The following IL27RA variants were observed in gnomAD, a reference collection of about 807,000 sequenced individuals.
IL27RA encodes interleukin 27 receptor subunit alpha, also known as interleukin-27 receptor subunit alpha.
In IL27RA, 61 loss-of-function variants were observed where a neutral mutation model predicts 80.8. The ratio of observed to expected loss-of-function variants is 0.76; its 90% CI spans 0.61 to 0.93. IL27RA has a LOEUF of 0.93. IL27RA is among the 40% of genes least tolerant of loss of function. The pLI is 0.00. For missense variants in IL27RA, 735 were observed against 808.1 expected (o/e 0.91, Z 1.10); for synonymous variants, 316 against 332.5 (o/e 0.95, Z 0.54).
At chr19:14,046,025 C>CA in intron 6 of IL27RA, 129 bp from the exon 7 acceptor site, 1 of 890,806 alleles carries the variant, frequency 1.1e-6, no homozygotes, top group Non-Finnish European at 1.7e-6. Flanking sequence ...GACTCCGTCT[C>CA]AAAAAACAAA....
rs377370449 is a variant in IL27RA, at chr19:14,039,499, T to C, written c.219-9T>C. 58 of 1,606,956 alleles carry C rather than the reference T, an allele frequency of 3.6e-5. No homozygotes were observed. In the African/African-American group the frequency reaches 7.0e-4, roughly 19 times the overall value. On this transcript the variant is annotated splice_polypyrimidine_tract_variant and intron_variant, in intron 2 of 13. Coordinates refer to ENST00000263379, the MANE Select transcript of IL27RA (RefSeq NM_004843.4). Reference sequence around the variant, plus strand: ...AGTGTGCATCTCATCCCCGCCTCTCTCCTCACAGCCGTTCCAACAAAACCC... The same window carrying C: ...AGTGTGCATCTCATCCCCGCCTCTCCCCTCACAGCCGTTCCAACAAAACCC...
chr19:14,050,847 G>A lies in IL27RA; in HGVS notation c.1492G>A (p.Gly498Ser). 6.2e-7 allele frequency: 1 copy of A among 1,613,098 alleles called. No homozygotes were observed. Among genetic ancestry groups the A allele is most frequent in the Non-Finnish European group, 8.5e-7 (1 of 1,179,248 alleles). The part of the protein sequence containing the change: ...WVTASTIAGQ[G>S]PPGPILRLHL... ...GACAGCATCTACCATCGCTGGACAG[G>A]GCCCTCCTGGTCCCATCCTCCGGCT... The change falls in exon 11 of 14, where the codon GGC becomes AGC. Residue 498 changes from glycine (G) to serine (S), a missense_variant. By Grantham distance (56) the Gly-to-Ser change is moderately conservative (BLOSUM62 0). Coordinates refer to ENST00000263379, the MANE Select transcript of IL27RA (RefSeq NM_004843.4).
Position 14,049,087 on chromosome 19 carries a change from G to T in IL27RA, c.1243+5G>T, listed in dbSNP as rs748764654. On this transcript the variant is annotated splice_donor_5th_base_variant and intron_variant, in intron 9 of 13. Transcript: ENST00000263379. ...GGGGGTTCAGGGAGGAATTAGGTAA[G>T]AGTGGGGCTGGAGGATGGGGGGGCT... 4 of 1,613,318 alleles carry T rather than the reference G, an allele frequency of 2.5e-6. No homozygotes were observed. Among genetic ancestry groups the T allele is most frequent in the Non-Finnish European group, 3.4e-6 (4 of 1,179,588 alleles).
At position 14,033,096 on chromosome 19, in the gene IL27RA, T is replaced by G. The variant is rs1432886679; in HGVS notation, c.218+593T>G. Among the ~76,000 whole-genome samples the G allele has an allele frequency of 6.2e-5, 9 of 146,324 alleles. No individual in the cohort carries two copies. The South Asian group carries it at 2.0e-3, about 32-fold the overall frequency. On this transcript the variant is annotated intron_variant, in intron 2 of 13. Coordinates refer to ENST00000263379, the MANE Select transcript of IL27RA (RefSeq NM_004843.4). The stretch of plus-strand genomic sequence containing the variant: ...CAGAGTTTTAGAGAGCCCGTCACTT[T>G]TTTTTTTTTTTTTTTTTGAAACGGA...
chr19:14,034,864 AGTGGC>A (rs969878248), intron 2 of IL27RA, among the ~76,000 whole-genome samples: 1 of 150,914 alleles, frequency 6.6e-6, no homozygotes, highest in Non-Finnish European at 1.5e-5. Context: ...GAGGCAGGAG[AGTGGC>A]GTGAACCCAG....
At chr19:14,034,907 C>T (rs1346458491) in intron 2 of IL27RA, among the ~76,000 whole-genome samples, 1 of 151,532 alleles carries the variant, frequency 6.6e-6, no homozygotes, top group Non-Finnish European at 1.5e-5. Context: ...GAGCCGAGAT[C>T]GCGCCACTGC....
intron 6 of IL27RA, among the ~76,000 whole-genome samples, chr19:14,043,327 G>C (rs1976019332): frequency 6.6e-6 from 1 of 152,096 alleles, no homozygotes; most frequent in African/African-American, 2.4e-5. Flanking sequence ...GATGGGTGCA[G>C]ATATTCCGGG....
chr19:14,046,553 G>C lies in IL27RA; in HGVS notation c.1076G>C (p.Gly359Ala). ...CATGTAGTGGACTGGGCTCGAGATG[G>C]GGACCCCCTGGAGAAACTCAACTGG... ...LEHVVDWARDGDPLEKLNWVR... is the reference protein window; with the variant it reads ...LEHVVDWARDADPLEKLNWVR... Residue 359 changes from glycine (G) to alanine (A), a missense_variant, in exon 8 of 14, where the codon GGG becomes GCG. By Grantham distance (60) the Gly-to-Ala change is moderately conservative (BLOSUM62 0). Coordinates refer to ENST00000263379, the MANE Select transcript of IL27RA (RefSeq NM_004843.4). The C allele has an allele frequency of 6.2e-7, 1 of 1,613,952 alleles. No homozygotes were observed. Among genetic ancestry groups the C allele is most frequent in the Non-Finnish European group, 8.5e-7 (1 of 1,179,940 alleles).
intron 2 of IL27RA, among the ~76,000 whole-genome samples, chr19:14,038,106 A>G (rs1431130289): frequency 6.6e-6 from 1 of 151,896 alleles, no homozygotes; most frequent in East Asian, 1.9e-4. Flanking sequence ...CTAGGATTAC[A>G]GGCGTGAGCC....
chr19:14,042,468 A>G lies in IL27RA; in HGVS notation c.550A>G (p.Lys184Glu), dbSNP rs1278529828. 1 of 1,613,956 alleles carries G rather than the reference A, an allele frequency of 6.2e-7. No individual in the cohort carries two copies. Among genetic ancestry groups the G allele is most frequent in the African/African-American group, 1.3e-5 (1 of 74,930 alleles). Residue 184 changes from lysine (K) to glutamate (E), a missense_variant, in exon 5 of 14, where the codon AAG (lysine) becomes GAG (glutamate). By Grantham distance (56) the Lys-to-Glu change is moderately conservative. Coordinates refer to ENST00000263379, the MANE Select transcript of IL27RA (RefSeq NM_004843.4). ...AAWTLLEPEL[K>E]TIPLTPVEIQ... is the part of the protein sequence containing the mutation. Reference sequence around the variant, plus strand: ...TCTCCCCCAGCTGGAACCGGAGCTGAAGACCATACCCCTGACCCCTGTTGA... The same window carrying G: ...TCTCCCCCAGCTGGAACCGGAGCTGGAGACCATACCCCTGACCCCTGTTGA...
chr19:14,049,114 C>T (rs34723614), intron 9 of IL27RA, 32 bp downstream of exon 9: 56,709 of 1,612,500 alleles, frequency 0.035, 1,872 homozygotes, highest in African/African-American at 0.17. Context: ...GGGGGGGCTT[C>T]TGTAACCCAG....
chr19:14,048,247 G>A (rs6511910), intron 8 of IL27RA, among the ~76,000 whole-genome samples: 1 of 151,598 alleles, frequency 6.6e-6, no homozygotes. Flanking sequence ...CATGAGCCAC[G>A]GTACCTGGCA....
At position 14,050,782 on chromosome 19, in the gene IL27RA, C is replaced by T. The variant is rs1568504209; in HGVS notation, c.1427C>T (p.Thr476Ile). 1.9e-6 allele frequency: 3 copies of T among 1,613,376 alleles called. No individual in the cohort carries two copies. The highest frequency in any genetic ancestry group is 1.7e-5 in the Admixed American group (1 of 59,984). Reference protein sequence around the residue: ...MNVSGNTQSVTLPDLPWGPCE... With the variant: ...MNVSGNTQSVILPDLPWGPCE... ...GTGAGTGGCAACACACAGAGTGTCA[C>T]CCTGCCTGACCTTCCTTGGGGTCCC... is the stretch of plus-strand genomic sequence containing the variant. The change falls in exon 11 of 14, where the codon ACC (threonine) becomes ATC (isoleucine). Residue 476 changes from threonine to isoleucine, a missense_variant. By Grantham distance (89) the Thr-to-Ile change is moderately conservative (BLOSUM62 -1). Transcript: ENST00000263379.
At chr19:14,045,687 T>C (rs946869073) in intron 6 of IL27RA, among the ~76,000 whole-genome samples, 4 of 151,928 alleles carry the variant, frequency 2.6e-5, no homozygotes, top group African/African-American at 9.7e-5. Flanking sequence ...TAAAATATTA[T>C]TTATCTCACT....
intron 11 of IL27RA, among the ~76,000 whole-genome samples, chr19:14,051,316 G>A (rs777051844): frequency 9.9e-5 from 15 of 151,248 alleles, no homozygotes; most frequent in African/African-American, 1.9e-4. Flanking sequence ...AGGCCGAGGC[G>A]GGTGGATCAG....
Position 14,031,800 on chromosome 19 carries a change from A to G in IL27RA, c.-73A>G, listed in dbSNP as rs1050623435. 5.4e-6 allele frequency: 7 copies of G among 1,294,006 alleles called. No individual in the cohort carries two copies. The highest frequency in any genetic ancestry group is 6.4e-6 in the Non-Finnish European group (6 of 939,818). The allele number at this position is 1,294,006 out of a possible 1,614,324, so 80.2% of individuals were successfully genotyped here. On this transcript the variant is annotated 5_prime_UTR_variant, in exon 1 of 14. Coordinates refer to ENST00000263379, the MANE Select transcript of IL27RA (RefSeq NM_004843.4). ...TTGCCGCCTCGGGCGCTGTACCCAG[A>G]GCTCGAAGAGGAGCAGCGCGGCCGC...
chr19:14,052,426 C>T lies in IL27RA; in HGVS notation c.*136C>T. ...AGGCTGAGTCACTTACCTGAGGACACCCAGCCAGGCAGAGCTGGGATTGAA... is the reference window on the plus strand; with the variant it reads ...AGGCTGAGTCACTTACCTGAGGACATCCAGCCAGGCAGAGCTGGGATTGAA... On this transcript the variant is annotated 3_prime_UTR_variant, in exon 14 of 14. Coordinates refer to ENST00000263379, the MANE Select transcript of IL27RA (RefSeq NM_004843.4). The T allele has an allele frequency of 1.5e-6, 1 of 670,234 alleles. No homozygotes were observed. The allele number at this position is 670,234 out of a possible 1,614,324, so 41.5% of individuals were successfully genotyped here.
chr19:14,048,036 C>T (rs1256870124), intron 8 of IL27RA, among the ~76,000 whole-genome samples: 1 of 150,810 alleles, frequency 6.6e-6, no homozygotes, highest in African/African-American at 2.4e-5. Flanking sequence ...CAGCTCACTG[C>T]AGCGTCGACC....
intron 6 of IL27RA, among the ~76,000 whole-genome samples, chr19:14,043,091 G>A (rs761658834): frequency 1.3e-5 from 2 of 151,382 alleles, no homozygotes; most frequent in South Asian, 2.1e-4. Flanking sequence ...GCAGTGAGCC[G>A]AGATCACACC....
Sources: allele counts gnomAD v4.1 joint callset (sites outside exome capture counted in the v4.1 genomes callset), GRCh38; gene constraint gnomAD v4.1.1; transcripts MANE v1.5; gene names NCBI Gene and HGNC (gene_info 2026-07-23, HGNC 2026-07-21).